ARHGAP18: variants seen among roughly 807,000 people sequenced by gnomAD.
The protein encoded by ARHGAP18 is rho GTPase-activating protein 18.
A neutral mutation model predicts 86.2 loss-of-function variants in ARHGAP18; 67 were observed. The ratio of observed to expected loss-of-function variants is 0.78; its 90% CI spans 0.64 to 0.95. The LOEUF is 0.95. Among genes scored for constraint, ARHGAP18 ranks in the 40% least tolerant of loss-of-function variants. The probability of loss-of-function intolerance (pLI) is 0.00; values close to 1 mark genes in which losing one functional copy is unlikely to be tolerated. For missense variants in ARHGAP18, 691 were observed against 780.4 expected (o/e 0.89, Z 1.37); for synonymous variants, 283 against 280.4 (o/e 1.01, Z -0.09).
chr6:129,647,156 T>C (rs1234240646), intron 1 of ARHGAP18, among the ~76,000 whole-genome samples: 1 of 152,186 alleles, frequency 6.6e-6, no homozygotes, highest in Admixed American at 6.5e-5. Context: ...ACCCCTCCCT[T>C]GCCAATACTG....
At chr6:129,705,146 C>A (rs1039042013) in intron 1 of ARHGAP18, among the ~76,000 whole-genome samples, 2 of 152,192 alleles carry the variant, frequency 1.3e-5, no homozygotes, top group Non-Finnish European at 1.5e-5. Flanking sequence ...CCCCCCATTA[C>A]AACCCCAGTA....
intron 1 of ARHGAP18, among the ~76,000 whole-genome samples, chr6:129,666,117 G>T (rs1227062789): frequency 6.6e-6 from 1 of 152,120 alleles, no homozygotes; most frequent in Non-Finnish European, 1.5e-5. Flanking sequence ...ATGTCCAAAA[G>T]CCAGGAATAA....
intron 10 of ARHGAP18, among the ~76,000 whole-genome samples, chr6:129,602,044 A>T (rs1788758294): frequency 6.6e-6 from 1 of 152,192 alleles, no homozygotes; most frequent in South Asian, 2.1e-4. Context: ...GTCCTCTGAA[A>T]CTACCTTCTC....
chr6:129,614,922 G>A (rs907661248), intron 7 of ARHGAP18, among the ~76,000 whole-genome samples: 125 of 152,220 alleles, frequency 8.2e-4, no homozygotes, highest in African/African-American at 2.7e-3. Flanking sequence ...CACTGCCTAA[G>A]TTTCAGCCTG....
intron 1 of ARHGAP18, among the ~76,000 whole-genome samples, chr6:129,681,377 G>C (rs1306739917): frequency 6.6e-6 from 1 of 152,146 alleles, no homozygotes; most frequent in South Asian, 2.1e-4. Flanking sequence ...CGCCCAGCTA[G>C]AAGTATTTCT....
chr6:129,619,091 G>A (rs1218557256), intron 5 of ARHGAP18, among the ~76,000 whole-genome samples: 7 of 149,686 alleles, frequency 4.7e-5, no homozygotes, highest in African/African-American at 1.2e-4. Context: ...CCGCAAACTC[G>A]GAGTATTAAT....
chr6:129,677,934 A>T (rs9398916), intron 1 of ARHGAP18, among the ~76,000 whole-genome samples: 29,095 of 152,230 alleles, frequency 0.19, 3,172 homozygotes, highest in Middle Eastern at 0.24. Context: ...AGCTATGAGT[A>T]ATTTTAATGT....
intron 1 of ARHGAP18, among the ~76,000 whole-genome samples, chr6:129,680,385 C>T (rs770612533): frequency 2.6e-5 from 4 of 152,138 alleles, no homozygotes; most frequent in Non-Finnish European, 4.4e-5. Flanking sequence ...TTATTTAAGG[C>T]GTTTAAGGTG....
At chr6:129,703,670 A>C (rs188667584) in intron 1 of ARHGAP18, among the ~76,000 whole-genome samples, 1 of 152,394 alleles carries the variant, frequency 6.6e-6, no homozygotes, top group Admixed American at 6.5e-5. Context: ...GAATGAACCT[A>C]AGACTTCCCC....
chr6:129,654,356 C>T (rs911048613), intron 1 of ARHGAP18, among the ~76,000 whole-genome samples: 1 of 152,158 alleles, frequency 6.6e-6, no homozygotes, highest in Non-Finnish European at 1.5e-5. Flanking sequence ...AAATTCTAGG[C>T]GGATTAAACC....
chr6:129,705,863 C>G (rs563114758), intron 1 of ARHGAP18, among the ~76,000 whole-genome samples: 29 of 152,272 alleles, frequency 1.9e-4, no homozygotes, highest in African/African-American at 6.5e-4. Context: ...GGTCACACTG[C>G]TAATGAATGA....
intron 5 of ARHGAP18, among the ~76,000 whole-genome samples, chr6:129,627,264 G>A (rs1789498857): frequency 6.6e-6 from 1 of 151,952 alleles, no homozygotes; most frequent in Non-Finnish European, 1.5e-5. Context: ...ACTTTCAGAA[G>A]GTTGTTCTCA....
intron 1 of ARHGAP18, among the ~76,000 whole-genome samples, chr6:129,655,296 G>A (rs1336999076): frequency 3.0e-5 from 4 of 131,698 alleles, no homozygotes; most frequent in African/African-American, 1.2e-4. Flanking sequence ...TCCAGCCTGG[G>A]TGACAAGAGC....
chr6:129,665,499 A>G (rs1774020205), intron 1 of ARHGAP18, among the ~76,000 whole-genome samples: 1 of 152,182 alleles, frequency 6.6e-6, no homozygotes, highest in Admixed American at 6.5e-5. Context: ...GCAATGAGCC[A>G]AGATCGTGCC....
At chr6:129,581,203 A>G (rs1261234288) in intron 13 of ARHGAP18, among the ~76,000 whole-genome samples, 1 of 152,162 alleles carries the variant, frequency 6.6e-6, no homozygotes, top group Non-Finnish European at 1.5e-5. Flanking sequence ...CATTAGGAAG[A>G]GCATGGTACA....
chr6:129,646,410 A>G (rs1192761364), intron 1 of ARHGAP18, among the ~76,000 whole-genome samples: 7 of 152,164 alleles, frequency 4.6e-5, no homozygotes, highest in African/African-American at 1.7e-4. Context: ...TAAGGTCTAG[A>G]GGAATCACAT....
At chr6:129,619,920 C>G (rs1024347577) in intron 5 of ARHGAP18, among the ~76,000 whole-genome samples, 4 of 151,124 alleles carry the variant, frequency 2.6e-5, no homozygotes, top group Admixed American at 6.6e-5. Flanking sequence ...ATGGCTTAAC[C>G]TTTACTTCTG....
At chr6:129,605,838 A>C (rs1788841035) in intron 10 of ARHGAP18, 39 bp downstream of exon 10, 2 of 1,532,596 alleles carry the variant, frequency 1.3e-6, no homozygotes, top group Non-Finnish European at 1.8e-6. Context: ...TACTGTGCTT[A>C]CTTCTAAGGG....
At chr6:129,647,033 T>C (rs2114504965) in intron 1 of ARHGAP18, among the ~76,000 whole-genome samples, 1 of 152,314 alleles carries the variant, frequency 6.6e-6, no homozygotes, top group East Asian at 1.9e-4. Flanking sequence ...ACTGGACTTA[T>C]TTCTTTGTTT....
Sources: allele counts gnomAD v4.1 joint callset (sites outside exome capture counted in the v4.1 genomes callset), GRCh38; gene constraint gnomAD v4.1.1; transcripts MANE v1.5; gene names NCBI Gene and HGNC (gene_info 2026-07-23, HGNC 2026-07-21).